Variants in CNTRL observed in about 807,000 individuals in gnomAD.
The protein encoded by CNTRL is 110 kDa centrosomal protein.
Under a neutral mutation model 303.7 loss-of-function variants are expected in CNTRL, and 233 were observed. The observed-to-expected ratio is 0.77, with a 90% CI of 0.69 to 0.86. The LOEUF is 0.86. CNTRL is among the 40% of genes least tolerant of loss of function. The probability of loss-of-function intolerance (pLI) is 0.00; values close to 1 mark genes in which losing one functional copy is unlikely to be tolerated. For synonymous variants in CNTRL, 900 were observed against 922.2 expected, an observed-to-expected ratio of 0.98 and a Z score of 0.44; for missense variants, 2,524 against 2,650.6, an observed-to-expected ratio of 0.95 and a Z score of 1.05.
chr9:121,118,301 G>C, intron 11 of CNTRL, 45 bp from the exon 12 acceptor site: 1 of 1,363,020 alleles, frequency 7.3e-7, no homozygotes, highest in Non-Finnish European at 9.8e-7. Flanking sequence ...ATAAATCAGT[G>C]TTGTTCTTCT....
At position 121,177,256 on chromosome 9, in the gene CNTRL, T is replaced by C; in HGVS notation, c.*70T>C. 4 of 1,310,278 alleles carry C rather than the reference T, an allele frequency of 3.1e-6. No individual in the cohort carries two copies. The highest frequency in any genetic ancestry group is 4.4e-6 in the Non-Finnish European group (4 of 916,162). 81.2% of individuals were successfully genotyped at this position (1,310,278 alleles called of 1,614,324 possible). On this transcript the variant is annotated 3_prime_UTR_variant, in exon 44 of 44. Coordinates refer to ENST00000373855, the MANE Select transcript of CNTRL (RefSeq NM_007018.6). Reference sequence around the variant, plus strand: ...TACCTCACTGACTTCATAATTGGAATGTCACATGGTTTTTTTAATCAAGAT... The same window carrying C: ...TACCTCACTGACTTCATAATTGGAACGTCACATGGTTTTTTTAATCAAGAT...
rs1247502803 is a variant in CNTRL at position 121,164,930 on chromosome 9, C to T, written c.5424-13C>T. The T allele has an allele frequency of 1.9e-6, 3 of 1,606,288 alleles. No individual in the cohort carries two copies. In the South Asian group the frequency reaches 3.3e-5, roughly 18 times the overall value. On this transcript the variant is annotated splice_polypyrimidine_tract_variant and intron_variant, in intron 34 of 43. Transcript: ENST00000373855. ...CTTGTATATTTGACAGTCTGACTTACTCTCTGTGGTAGGGTTTTAGCAGCA... is the reference window on the plus strand; with the variant it reads ...CTTGTATATTTGACAGTCTGACTTATTCTCTGTGGTAGGGTTTTAGCAGCA...
At chr9:121,092,334 G>C (rs1475826572) in intron 4 of CNTRL, among the ~76,000 whole-genome samples, 1 of 142,438 alleles carries the variant, frequency 7.0e-6, no homozygotes, top group Non-Finnish European at 1.5e-5. Context: ...ATACTTACTT[G>C]TTGACTAAAA....
intron 43 of CNTRL, among the ~76,000 whole-genome samples, chr9:121,176,133 TATC>T (rs2053514267): frequency 6.6e-6 from 1 of 152,244 alleles, no homozygotes; most frequent in African/African-American, 2.4e-5. Flanking sequence ...ACTTTATATA[TATC>T]ATCTAATTTT....
chr9:121,149,598 G>T (rs1462811136), intron 24 of CNTRL, among the ~76,000 whole-genome samples: 1 of 151,884 alleles, frequency 6.6e-6, no homozygotes. Context: ...TAGAGATGAG[G>T]GTTTCACCAT....
chr9:121,108,885 C>G (rs961686928), intron 8 of CNTRL, among the ~76,000 whole-genome samples: 5 of 152,122 alleles, frequency 3.3e-5, no homozygotes, highest in African/African-American at 1.2e-4. Context: ...TCTTCCCTAC[C>G]CCATTCCCCA....
chr9:121,110,645 T>TTAAGTTTTGAA (rs1489071549), intron 8 of CNTRL, among the ~76,000 whole-genome samples: 3 of 152,176 alleles, frequency 2.0e-5, no homozygotes, highest in Non-Finnish European at 2.9e-5. Context: ...TGCTTACATT[T>TTAAGTTTTGAA]TAAGTTTTGA....
At chr9:121,138,521 T>C (rs749267755) in intron 15 of CNTRL, 24 bp from the exon 16 acceptor site, 3 of 1,606,518 alleles carry the variant, frequency 1.9e-6, no homozygotes, top group Non-Finnish European at 2.6e-6. Context: ...TACACTTTCA[T>C]GTCATTGCTT....
chr9:121,134,586 T>C (rs1293253884), intron 14 of CNTRL, among the ~76,000 whole-genome samples: 4 of 152,194 alleles, frequency 2.6e-5, no homozygotes, highest in Non-Finnish European at 5.9e-5. Flanking sequence ...TGAGCCACTG[T>C]ACCCGGCCCT....
chr9:121,123,244 G>T (rs2133430497), intron 12 of CNTRL, among the ~76,000 whole-genome samples: 1 of 152,106 alleles, frequency 6.6e-6, no homozygotes, highest in Non-Finnish European at 1.5e-5. Flanking sequence ...TTTTTCTATA[G>T]ATATATGCCA....
chr9:121,113,800 A>G (rs1382941919), intron 10 of CNTRL, 76 bp downstream of exon 10: 57 of 971,124 alleles, frequency 5.9e-5, no homozygotes, highest in Non-Finnish European at 2.8e-5. Flanking sequence ...TTGTTTTATA[A>G]GTCTTTTAAT....
intron 13 of CNTRL, among the ~76,000 whole-genome samples, chr9:121,124,745 A>G (rs910651692): frequency 6.8e-6 from 1 of 147,704 alleles, no homozygotes; most frequent in African/African-American, 2.5e-5. Flanking sequence ...CGAGATCAGC[A>G]TGGGCAACAT....
Position 121,088,493 on chromosome 9 carries a change from T to C in CNTRL, c.167T>C (p.Val56Ala). 1 of 1,612,512 alleles carries C rather than the reference T, an allele frequency of 6.2e-7. No individual in the cohort carries two copies. The highest frequency in any genetic ancestry group is 8.5e-7 in the Non-Finnish European group (1 of 1,178,604). The part of the protein sequence containing the change: ...FHSGGQWCEQ[V>A]EIADENNMLL... The stretch of plus-strand genomic sequence containing the variant: ...TCTGGAGGACAGTGGTGTGAGCAAG[T>C]TGAGATTGCAGATGAAAACAATATG... Residue 56 changes from valine to alanine, a missense_variant, in exon 3 of 44, where the codon GTT becomes GCT. Val to Ala is a moderately conservative substitution (Grantham distance 64, BLOSUM62 0). Coordinates refer to ENST00000373855, the MANE Select transcript of CNTRL (RefSeq NM_007018.6).
intron 7 of CNTRL, among the ~76,000 whole-genome samples, chr9:121,102,558 C>G (rs1421093243): frequency 6.6e-6 from 1 of 152,102 alleles, no homozygotes; most frequent in Non-Finnish European, 1.5e-5. Context: ...GGCAATCAGG[C>G]AGGAGAAAGA....
intron 2 of CNTRL, among the ~76,000 whole-genome samples, chr9:121,087,666 G>T (rs1430457552): frequency 6.6e-6 from 1 of 152,118 alleles, no homozygotes; most frequent in Non-Finnish European, 1.5e-5. Context: ...ACTCCAGCCT[G>T]GGCGACAAGA....
At chr9:121,075,943 A>G (rs1397834875) in intron 1 of CNTRL, among the ~76,000 whole-genome samples, 1 of 152,160 alleles carries the variant, frequency 6.6e-6, no homozygotes, top group Non-Finnish European at 1.5e-5. Context: ...TTAACTGTTC[A>G]GGTACATTGC....
At position 121,175,026 on chromosome 9, in the gene CNTRL, C is replaced by T. The variant is rs2053462182; in HGVS notation, c.6756C>T (p.Leu2252=). 4 of 1,613,672 alleles carry T rather than the reference C, an allele frequency of 2.5e-6. No individual in the cohort carries two copies. The highest frequency in any genetic ancestry group is 1.1e-5 in the South Asian group (1 of 91,020). Residue 2252 remains leucine (L), a synonymous_variant, in exon 43 of 44, where the codon CTC becomes CTT. Transcript: ENST00000373855. Reference sequence around the variant, plus strand: ...CTTATCACACTTTTCAGGCCCAACTCCGACACTGTATGTCCAAGCAAGCAG... The same window carrying T: ...CTTATCACACTTTTCAGGCCCAACTTCGACACTGTATGTCCAAGCAAGCAG... ...RHREDRLKAQ[L]RHCMSKQAEV...
At position 121,145,127 on chromosome 9, in the gene CNTRL, G is replaced by A. The variant is rs2051764378; in HGVS notation, c.3169-117G>A. On this transcript the variant is annotated intron_variant, in intron 21 of 43. Coordinates refer to ENST00000373855, the MANE Select transcript of CNTRL (RefSeq NM_007018.6). ...CTTGGTGCAGTTTCCAAGTAATGCAGTTTCCTCACTGGGAAAGTGTAAATA... is the reference window on the plus strand; with the variant it reads ...CTTGGTGCAGTTTCCAAGTAATGCAATTTCCTCACTGGGAAAGTGTAAATA... 35 of 1,279,474 alleles carry A rather than the reference G, an allele frequency of 2.7e-5. No homozygotes were observed. The South Asian group carries it at 5.1e-4, about 19-fold the overall frequency. The allele number at this position is 1,279,474 out of a possible 1,614,324, so 79.3% of individuals were successfully genotyped here.
intron 21 of CNTRL, 128 bp from the exon 22 acceptor site, chr9:121,145,116 C>A: frequency 8.2e-7 from 1 of 1,214,682 alleles, no homozygotes; most frequent in South Asian, 1.5e-5. Flanking sequence ...GTGCAGTTTC[C>A]AAGTAATGCA....
Sources: gnomAD v4.1 joint callset for allele counts (sites outside exome capture counted in the v4.1 genomes callset) on GRCh38, gnomAD v4.1.1 for gene constraint, MANE v1.5 for transcripts, NCBI Gene and HGNC (gene_info 2026-07-23, HGNC 2026-07-21) for gene names.